Variants in SDK1 observed in about 807,000 individuals in gnomAD.
The protein encoded by SDK1 is protein sidekick-1.
In SDK1, 157 loss-of-function variants were observed where a neutral mutation model predicts 245.5. The ratio of observed to expected loss-of-function variants is 0.64; its 90% CI spans 0.56 to 0.73. The LOEUF is 0.73. Among genes scored for constraint, SDK1 ranks in the 30% least tolerant of loss-of-function variants. The probability of loss-of-function intolerance (pLI) is 0.00; values close to 1 mark genes in which losing one functional copy is unlikely to be tolerated. For synonymous variants in SDK1, 1,647 were observed against 1,278.5 expected (o/e 1.29, Z -6.15); for missense variants, 3,583 against 3,002.3 (o/e 1.19, Z -4.52).
intron 1 of SDK1, among the ~76,000 whole-genome samples, chr7:3,532,346 A>G (rs1430184600): frequency 1.3e-5 from 2 of 151,886 alleles, no homozygotes; most frequent in African/African-American, 4.8e-5. Flanking sequence ...GGTCTTTTTT[A>G]TTAGTTGTTA....
chr7:3,746,178 G>C (rs1388726448), intron 4 of SDK1, among the ~76,000 whole-genome samples: 1 of 152,146 alleles, frequency 6.6e-6, no homozygotes, highest in East Asian at 1.9e-4. Flanking sequence ...GCATATAAAA[G>C]TTATGTTTAT....
At position 3,983,115 on chromosome 7, in the gene SDK1, C is replaced by A. The variant is rs141540217; in HGVS notation, c.1995-4071C>A. 1.1e-3 allele frequency among the ~76,000 whole-genome samples: 167 copies of A among 152,278 alleles called. 2 individuals are homozygous for A. The highest frequency in any genetic ancestry group is 3.9e-3 in the African/African-American group (161 of 41,560). On this transcript the variant is annotated intron_variant, in intron 13 of 44. Coordinates refer to ENST00000404826, the MANE Select transcript of SDK1 (RefSeq NM_152744.4). ...GATGAGCAAAGCAAGTGGTGTGGGA[C>A]AGCATCTACTTTTGGCAAAGATACC...
At chr7:3,648,913 A>G (rs145874953) in intron 4 of SDK1, among the ~76,000 whole-genome samples, 2 of 152,140 alleles carry the variant, frequency 1.3e-5, no homozygotes, top group Non-Finnish European at 2.9e-5. Flanking sequence ...AGGGTTTTCT[A>G]ATCACTTCTG....
chr7:3,678,795 A>T (rs1394333733), intron 4 of SDK1, among the ~76,000 whole-genome samples: 2 of 152,204 alleles, frequency 1.3e-5, no homozygotes, highest in Non-Finnish European at 2.9e-5. Flanking sequence ...GGCATATTTT[A>T]CCACAGTTTT....
At chr7:4,159,751 A>C (rs1278060427) in intron 31 of SDK1, among the ~76,000 whole-genome samples, 1 of 152,090 alleles carries the variant, frequency 6.6e-6, no homozygotes, top group East Asian at 2.0e-4. Flanking sequence ...AAATGTTCAG[A>C]AAAAAAGTTA....
chr7:3,874,110 C>G (rs1441786781), intron 5 of SDK1, among the ~76,000 whole-genome samples: 1 of 152,162 alleles, frequency 6.6e-6, no homozygotes, highest in African/African-American at 2.4e-5. Flanking sequence ...TTTCTTTCCA[C>G]TGGGCCATTA....
chr7:4,242,581 G>A (rs183736481), intron 43 of SDK1, among the ~76,000 whole-genome samples: 23 of 152,172 alleles, frequency 1.5e-4, no homozygotes, highest in African/African-American at 4.6e-4. Context: ...GGTCTTGAGC[G>A]TCTGGAAGGA....
chr7:3,704,072 CATT>C (rs2115010651), intron 4 of SDK1, among the ~76,000 whole-genome samples: 1 of 152,172 alleles, frequency 6.6e-6, no homozygotes, highest in African/African-American at 2.4e-5. Flanking sequence ...TCCCATAGTC[CATT>C]ATATTGCACT....
rs113994756 is a variant in SDK1 at position 3,355,971 on chromosome 7, G to T, written c.298+54087G>T. The stretch of plus-strand genomic sequence containing the variant: ...GGTATTTCTCCAGCTTGTCCTCCAC[G>T]CTCACCCCATTGTCATGAGGACTGC... On this transcript the variant is annotated intron_variant, in intron 1 of 44. Coordinates refer to ENST00000404826, the MANE Select transcript of SDK1 (RefSeq NM_152744.4). 6.3e-3 allele frequency among the ~76,000 whole-genome samples: 966 copies of T among 152,126 alleles called. 9 individuals carry two copies. Among genetic ancestry groups the T allele is most frequent in the South Asian group, 0.018 (87 of 4,818 alleles).
chr7:3,823,210 A>T (rs1475493626), intron 5 of SDK1, among the ~76,000 whole-genome samples: 1 of 152,236 alleles, frequency 6.6e-6, no homozygotes, highest in East Asian at 1.9e-4. Flanking sequence ...TCCAAGGGTT[A>T]TGATAAAGAA....
chr7:3,848,921 C>T (rs932596899), intron 5 of SDK1, among the ~76,000 whole-genome samples: 12 of 152,200 alleles, frequency 7.9e-5, no homozygotes, highest in African/African-American at 2.7e-4. Context: ...CCGCCCACCT[C>T]GGCCTCCCAA....
intron 1 of SDK1, among the ~76,000 whole-genome samples, chr7:3,613,952 A>G (rs1583228184): frequency 6.6e-6 from 1 of 152,182 alleles, no homozygotes; most frequent in African/African-American, 2.4e-5. Context: ...AGAGGGGAAC[A>G]ACACACATTG....
chr7:3,860,895 T>C (rs1364719808), intron 5 of SDK1, among the ~76,000 whole-genome samples: 2 of 152,162 alleles, frequency 1.3e-5, no homozygotes, highest in Non-Finnish European at 2.9e-5. Context: ...GCCCACTCCC[T>C]GTCCCCCACT....
intron 35 of SDK1, among the ~76,000 whole-genome samples, chr7:4,180,689 C>T (rs1782554779): frequency 6.6e-6 from 1 of 152,248 alleles, no homozygotes; most frequent in Non-Finnish European, 1.5e-5. Context: ...ATGGTGGTCT[C>T]TGCTTCTGGG....
chr7:3,474,751 C>T (rs1268686489), intron 1 of SDK1, among the ~76,000 whole-genome samples: 1 of 152,132 alleles, frequency 6.6e-6, no homozygotes, highest in Non-Finnish European at 1.5e-5. Context: ...AGTGCAGTGG[C>T]ATGATCATAG....
chr7:4,019,762 G>T lies in SDK1; in HGVS notation c.2602+2410G>T, dbSNP rs1036936. 4.6e-5 allele frequency among the ~76,000 whole-genome samples: 7 copies of T among 152,086 alleles called. No homozygotes were observed. The East Asian group carries it at 1.2e-3, about 25-fold the overall frequency. On this transcript the variant is annotated intron_variant, in intron 17 of 44. Coordinates refer to ENST00000404826, the MANE Select transcript of SDK1 (RefSeq NM_152744.4). ...GTATACAGAGCCCCTCATGGGTCTC[G>T]GAGGGCCCAGCAGACACAGTCGTAA... is the stretch of plus-strand genomic sequence containing the variant.
At chr7:3,494,809 A>G (rs1195483795) in intron 1 of SDK1, among the ~76,000 whole-genome samples, 4 of 152,200 alleles carry the variant, frequency 2.6e-5, no homozygotes, top group Non-Finnish European at 5.9e-5. Context: ...TAACTGAGGG[A>G]TTTCTACACA....
At position 3,301,771 on chromosome 7, in the gene SDK1, C is replaced by G; in HGVS notation, c.185C>G (p.Thr62Arg). ...RAAPETSGGD[T>R]AGAGRCGGRR... is the part of the protein sequence containing the mutation. ...GCGCCCGAGACCTCCGGCGGGGACA[C>G]GGCGGGCGCGGGGCGGTGCGGCGGG... The change falls in exon 1 of 45, where the codon ACG becomes AGG. Residue 62 changes from threonine to arginine, a missense_variant. Coordinates refer to ENST00000404826, the MANE Select transcript of SDK1 (RefSeq NM_152744.4). The G allele has an allele frequency of 1.0e-6, 1 of 991,570 alleles. No individual in the cohort carries two copies. Among genetic ancestry groups the G allele is most frequent in the African/African-American group, 1.8e-5 (1 of 56,626 alleles). 61.4% of individuals were successfully genotyped at this position (991,570 alleles called of 1,614,324 possible). A position where few individuals can be genotyped will look rare whatever the true frequency, so the allele number is the denominator to read the frequency against.
chr7:3,733,690 C>A (rs144173958), intron 4 of SDK1, among the ~76,000 whole-genome samples: 1 of 152,214 alleles, frequency 6.6e-6, no homozygotes, highest in Non-Finnish European at 1.5e-5. Flanking sequence ...TGCCCAAACA[C>A]AGATGTATGA....
Sources: allele counts gnomAD v4.1 joint callset (sites outside exome capture counted in the v4.1 genomes callset), GRCh38; gene constraint gnomAD v4.1.1; transcripts MANE v1.5; gene names NCBI Gene and HGNC (gene_info 2026-07-23, HGNC 2026-07-21).